PCDH15: variants seen among roughly 807,000 people sequenced by gnomAD.
The protein encoded by PCDH15 is protocadherin related 15, also known as protocadherin-15.
PCDH15 carries 129 observed loss-of-function variants against 178.5 expected under a neutral mutation model. The ratio of observed to expected loss-of-function variants is 0.72; its 90% confidence interval spans 0.63 to 0.84. The LOEUF is 0.84. Among genes scored for constraint, PCDH15 ranks in the 40% least tolerant of loss-of-function variants. The pLI is 0.00. For missense variants in PCDH15, 2,230 were observed against 2,099.9 expected (o/e 1.06, Z -1.21); for synonymous variants, 800 against 732.0 (o/e 1.09, Z -1.50).
intron 2 of PCDH15, among the ~76,000 whole-genome samples, chr10:55,158,084 A>G (rs61850936): frequency 5.7e-4 from 44 of 76,792 alleles, no homozygotes; most frequent in South Asian, 2.2e-3. Context: ...GTGTGTATAT[A>G]TATATATATA....
At chr10:53,901,824 C>A (rs1427619104) in intron 26 of PCDH15, among the ~76,000 whole-genome samples, 1 of 152,114 alleles carries the variant, frequency 6.6e-6, no homozygotes, top group African/African-American at 2.4e-5. Flanking sequence ...CAGTTTTATC[C>A]AAAAAGAACT....
At chr10:53,954,405 T>TAA (rs1564849855) in intron 23 of PCDH15, among the ~76,000 whole-genome samples, 1 of 152,186 alleles carries the variant, frequency 6.6e-6, no homozygotes, top group African/African-American at 2.4e-5. Flanking sequence ...CTTTCAATTC[T>TAA]AAAAAAAGAA....
intron 8 of PCDH15, among the ~76,000 whole-genome samples, chr10:54,302,874 CATG>C (rs1449068271): frequency 1.3e-5 from 2 of 152,078 alleles, no homozygotes; most frequent in Non-Finnish European, 2.9e-5. Flanking sequence ...GGCCTCTTAT[CATG>C]ATGTGACTAT....
At chr10:54,563,158 C>T (rs978500242) in intron 2 of PCDH15, among the ~76,000 whole-genome samples, 4 of 152,142 alleles carry the variant, frequency 2.6e-5, no homozygotes, top group Non-Finnish European at 5.9e-5. Flanking sequence ...TTTTGCTTAT[C>T]ATTTTGATCT....
intron 3 of PCDH15, among the ~76,000 whole-genome samples, chr10:54,851,430 A>G (rs1204712911): frequency 6.6e-6 from 1 of 152,142 alleles, no homozygotes; most frequent in African/African-American, 2.4e-5. Flanking sequence ...TGACAAAGTA[A>G]TTCTTGAGAT....
At chr10:55,064,892 G>A (rs1377607826) in intron 2 of PCDH15, among the ~76,000 whole-genome samples, 2 of 151,934 alleles carry the variant, frequency 1.3e-5, no homozygotes, top group Non-Finnish European at 2.9e-5. Context: ...GATTATTTTT[G>A]GGTGACTTTT....
chr10:53,881,762 G>A (rs1474735932), intron 26 of PCDH15, among the ~76,000 whole-genome samples: 1 of 151,940 alleles, frequency 6.6e-6, no homozygotes, highest in African/African-American at 2.4e-5. Flanking sequence ...TGTGAATTGT[G>A]GTTCACAAAA....
chr10:54,539,053 A>C (rs1400844872), intron 2 of PCDH15, among the ~76,000 whole-genome samples: 2 of 152,204 alleles, frequency 1.3e-5, no homozygotes, highest in Non-Finnish European at 2.9e-5. Flanking sequence ...CCAGTCAATG[A>C]GTATGAAATG....
intron 23 of PCDH15, among the ~76,000 whole-genome samples, chr10:53,953,480 T>A (rs1224402128): frequency 6.6e-6 from 1 of 152,108 alleles, no homozygotes; most frequent in Admixed American, 6.6e-5. Context: ...ATGAGGCAAT[T>A]TTCTTGCCAT....
chr10:54,094,452 AG>A (rs2094661029), intron 15 of PCDH15, among the ~76,000 whole-genome samples: 1 of 152,132 alleles, frequency 6.6e-6, no homozygotes, highest in Admixed American at 6.6e-5. Context: ...AAGGTGAAAG[AG>A]TAAGTCACGT....
At chr10:55,614,591 T>C (rs1843437954) in intron 2 of PCDH15, among the ~76,000 whole-genome samples, 2 of 152,262 alleles carry the variant, frequency 1.3e-5, no homozygotes, top group South Asian at 4.1e-4. Context: ...TACCCTTCCT[T>C]CTGAAGGTGA....
intron 3 of PCDH15, among the ~76,000 whole-genome samples, chr10:54,454,643 G>A (rs191324494): frequency 6.4e-4 from 97 of 151,860 alleles, no homozygotes; most frequent in African/African-American, 2.2e-3. Context: ...ATAATTACAC[G>A]GGTAAAAAGA....
intron 3 of PCDH15, among the ~76,000 whole-genome samples, chr10:54,436,569 A>C (rs1349796347): frequency 1.3e-5 from 2 of 152,156 alleles, no homozygotes; most frequent in African/African-American, 4.8e-5. Flanking sequence ...GAAATTCTTA[A>C]AGGATTCATT....
At chr10:55,573,607 T>C (rs1006732219) in intron 2 of PCDH15, among the ~76,000 whole-genome samples, 7 of 152,134 alleles carry the variant, frequency 4.6e-5, no homozygotes, top group Admixed American at 6.6e-5. Context: ...TAAAAGTCTA[T>C]TTCAAAGCTT....
At chr10:55,082,415 A>C (rs1842064756) in intron 2 of PCDH15, among the ~76,000 whole-genome samples, 1 of 151,934 alleles carries the variant, frequency 6.6e-6, no homozygotes, top group African/African-American at 2.4e-5. Context: ...CAAACACAAT[A>C]CTAAGAGGAA....
intron 9 of PCDH15, among the ~76,000 whole-genome samples, chr10:54,230,148 A>G (rs1237205258): frequency 6.6e-6 from 1 of 152,194 alleles, no homozygotes. Flanking sequence ...TAAATTCTAT[A>G]AAGAACATTT....
intron 1 of PCDH15, among the ~76,000 whole-genome samples, chr10:54,685,531 T>C (rs556691000): frequency 5.3e-5 from 8 of 152,270 alleles, no homozygotes; most frequent in African/African-American, 1.9e-4. Context: ...AGCTATGTTA[T>C]AGCCTTATGG....
intron 2 of PCDH15, among the ~76,000 whole-genome samples, chr10:55,464,956 G>A (rs1039780391): frequency 2.0e-5 from 3 of 151,330 alleles, no homozygotes; most frequent in Admixed American, 2.0e-4. Flanking sequence ...AACAGTGCTT[G>A]TAAGAAGAGG....
chr10:54,635,662 T>A (rs1285903553), intron 2 of PCDH15, among the ~76,000 whole-genome samples: 1 of 151,828 alleles, frequency 6.6e-6, no homozygotes, highest in Non-Finnish European at 1.5e-5. Context: ...ATATAAAACA[T>A]CAGAAGCCTA....
Sources: gnomAD v4.1 joint callset for allele counts (sites outside exome capture counted in the v4.1 genomes callset) on GRCh38, gnomAD v4.1.1 for gene constraint, MANE v1.5 for transcripts, NCBI Gene and HGNC (gene_info 2026-07-23, HGNC 2026-07-21) for gene names.